The following PER1 variants were observed in gnomAD, a reference collection of about 807,000 sequenced individuals.
The protein encoded by PER1 is period circadian protein homolog 1.
A neutral mutation model predicts 125.9 loss-of-function variants in PER1; 87 were observed. The ratio of observed to expected loss-of-function variants is 0.69; its 90% CI spans 0.58 to 0.83. The LOEUF is 0.83. PER1 is among the 40% of genes least tolerant of loss of function. The probability of loss-of-function intolerance (pLI) is 0.00; values close to 1 mark genes in which losing one functional copy is unlikely to be tolerated. For synonymous variants in PER1, 801 were observed against 714.7 expected (o/e 1.12, Z -1.93); for missense variants, 1,775 against 1,722.8 (o/e 1.03, Z -0.54).
At position 8,150,038 on chromosome 17, in the gene PER1, C is replaced by G. The variant is rs1982738822; in HGVS notation, c.462G>C (p.Arg154=). 1.9e-6 allele frequency: 3 copies of G among 1,614,060 alleles called. No individual in the cohort carries two copies. Among genetic ancestry groups the G allele is most frequent in the South Asian group, 2.2e-5 (2 of 91,092 alleles). ...ELKLRLPPER[R]GKGRSGTLAT... ...CCAGGGTCCCAGAGCGGCCCTTGCC[C>G]CGGCGCTCTGGCGGCAGTCGAAGCT... Residue 154 remains arginine (R), a synonymous_variant, in exon 4 of 23, where the codon CGG becomes CGC. Transcript: ENST00000317276.
chr17:8,140,913 G>A lies in PER1; in HGVS notation c.*155C>T, dbSNP rs572975216. The stretch of plus-strand genomic sequence containing the variant: ...CCCTAAGAGGCCAGAGGCAGCCCCT[G>A]GATCCTAGGCTGGTGATGGGGGTCC... On this transcript the variant is annotated 3_prime_UTR_variant, in exon 23 of 23. Coordinates refer to ENST00000317276, the MANE Select transcript of PER1 (RefSeq NM_002616.3). The A allele has an allele frequency of 8.3e-6, 7 of 839,228 alleles. No homozygotes were observed. The South Asian group carries it at 1.0e-4, about 13-fold the overall frequency. 52.0% of individuals were successfully genotyped at this position (839,228 alleles called of 1,614,324 possible).
In PER1 at chr17:8,147,495, T is replaced by C; in HGVS notation, c.1472A>G (p.Glu491Gly). The C allele has an allele frequency of 6.2e-7, 1 of 1,613,880 alleles. No homozygotes were observed. The highest frequency in any genetic ancestry group is 8.5e-7 in the Non-Finnish European group (1 of 1,179,890). ...SLDTDIQELS[E>G]QIHRLLLQPV... ...CTGCAGCAGCAGCCGGTGGATCTGC[T>C]CTGACAGCTCCTGGATATCAGTGTC... Residue 491 changes from glutamate (E) to glycine (G), a missense_variant, in exon 12 of 23, where the codon GAG becomes GGG. By Grantham distance (98) the Glu-to-Gly change is moderately conservative. Coordinates refer to ENST00000317276, the MANE Select transcript of PER1 (RefSeq NM_002616.3).
At chr17:8,148,320 C>T (rs775440993) in intron 8 of PER1, 61 bp from the exon 9 acceptor site, 10 of 1,406,094 alleles carry the variant, frequency 7.1e-6, no homozygotes, top group South Asian at 2.4e-5. Context: ...CTCAGCCCTC[C>T]ACTCTGCCTG....
chr17:8,149,314 G>T lies in PER1; in HGVS notation c.854-4C>A, dbSNP rs749357434. On this transcript the variant is annotated splice_region_variant and splice_polypyrimidine_tract_variant and intron_variant, in intron 6 of 22. Transcript: ENST00000317276. ...GTAAAGTCCCTGAGGCCTGAACCTG[G>T]GACAGACAGGAGAGGAGTGAGCACA... 6.2e-7 allele frequency: 1 copy of T among 1,613,988 alleles called. No individual in the cohort carries two copies. Among genetic ancestry groups the T allele is most frequent in the East Asian group, 2.2e-5 (1 of 44,886 alleles).
chr17:8,146,601 T>A lies in PER1; in HGVS notation c.1900A>T (p.Ile634Phe). The A allele has an allele frequency of 6.2e-7, 1 of 1,609,810 alleles. No homozygotes were observed. The highest frequency in any genetic ancestry group is 8.5e-7 in the Non-Finnish European group (1 of 1,177,684). ...SYQQINCLDS[I>F]LRYLESCNLP... ...ATGCCTGGCAGGCCTTACCTGAGGA[T>A]GCTGTCCAGGCAGTTGATCTGCTGG... is the stretch of plus-strand genomic sequence containing the variant. Residue 634 changes from isoleucine (I) to phenylalanine (F), a missense_variant, in exon 15 of 23, where the codon ATC (isoleucine) becomes TTC (phenylalanine). Transcript: ENST00000317276.
At chr17:8,147,879 G>A in intron 10 of PER1, 52 bp from the exon 11 acceptor site, 2 of 1,606,500 alleles carry the variant, frequency 1.2e-6, no homozygotes, top group Non-Finnish European at 1.7e-6. Context: ...AGCTGAGTAA[G>A]AGGGAGGCCA....
chr17:8,145,272 T>A, intron 17 of PER1: 1 of 329,766 alleles, frequency 3.0e-6, no homozygotes, highest in Non-Finnish European at 5.5e-6. Flanking sequence ...GTCACAACTC[T>A]CATTGGAAGA....
chr17:8,146,053 A>T lies in PER1; in HGVS notation c.2123T>A (p.Leu708Gln). 1 of 1,614,042 alleles carries T rather than the reference A, an allele frequency of 6.2e-7. No homozygotes were observed. The highest frequency in any genetic ancestry group is 8.5e-7 in the Non-Finnish European group (1 of 1,180,000). The part of the protein sequence containing the change: ...VVGGTLSPLA[L>Q]ANKAESVVSV... ...CACCACACTCTCCGCCTTATTGGCC[A>T]GGGCGAGCGGGCTCAGGGTGCCTCC... Residue 708 changes from leucine to glutamine, a missense_variant, in exon 17 of 23, where the codon CTG becomes CAG. Leu to Gln is a moderately radical substitution (Grantham distance 113). Coordinates refer to ENST00000317276, the MANE Select transcript of PER1 (RefSeq NM_002616.3).
intron 12 of PER1, 25 bp downstream of exon 12, chr17:8,147,445 C>T: frequency 6.2e-7 from 1 of 1,612,962 alleles, no homozygotes; most frequent in South Asian, 1.1e-5. Flanking sequence ...TCTCACCTCC[C>T]AGGCTCCCTC....
rs200285590 is a variant in PER1, at chr17:8,145,978, T to C, written c.2198A>G (p.Asp733Gly). 3.7e-6 allele frequency: 6 copies of C among 1,609,204 alleles called. No homozygotes were observed. The highest frequency in any genetic ancestry group is 5.1e-6 in the Non-Finnish European group (6 of 1,177,444). ...CATACCCGACTCCGGGGGCTTCTTG[T>C]CTCCCACATGGACGATGGTGGAGCT... ...SFSSTIVHVGDKKPPESDIIM... is the reference protein window; with the variant it reads ...SFSSTIVHVGGKKPPESDIIM... The change falls in exon 17 of 23, where the codon GAC becomes GGC. Residue 733 changes from aspartate (D) to glycine (G), a missense_variant. Asp to Gly is a moderately conservative substitution (Grantham distance 94). Transcript: ENST00000317276.
Position 8,143,310 on chromosome 17 carries a change from GC to G in PER1, c.3027del (p.Pro1011HisfsTer111). On this transcript the variant is annotated frameshift_variant, in exon 19 of 23. Transcript: ENST00000317276. LOFTEE classifies it high-confidence loss of function. Reference protein sequence around the residue: ...AVAGGPGSSAGPPPPSAEAAE... With the variant: ...AVAGGPGSSAXPPPPSAEAAE... ...GCAGCCTCCGCACTGGGAGGTGGGG[GC>G]CCGGCACTGCTCCCAGGGCCTCCTG... is the stretch of plus-strand genomic sequence containing the variant. The G allele has an allele frequency of 6.3e-7, 1 of 1,591,376 alleles. No individual in the cohort carries two copies. The highest frequency in any genetic ancestry group is 1.1e-5 in the South Asian group (1 of 87,502).
rs767314742 is a variant in PER1 at position 8,144,753 on chromosome 17, C to T, written c.2459G>A (p.Arg820Gln). Residue 820 changes from arginine (R) to glutamine (Q), a missense_variant and splice_region_variant, in exon 18 of 23, where the codon CGA (arginine) becomes CAA (glutamine). Physicochemically the swap from Arg to Gln is conservative, Grantham distance 43 (BLOSUM62 1). Coordinates refer to ENST00000317276, the MANE Select transcript of PER1 (RefSeq NM_002616.3). ...TCCAGGAGGCCCCAGGTGGCTACCT[C>T]GCTCGCCAAGGGCTGAGGGAGCTGT... ...SSTAPSALGE[R>Q]GCHHGPAPPS... 1.4e-5 allele frequency: 22 copies of T among 1,565,700 alleles called. No homozygotes were observed. In the East Asian group the frequency reaches 1.4e-4, roughly 10 times the overall value.
chr17:8,147,076 CAAG>C (rs1982499246), intron 13 of PER1, 74 bp from the exon 14 acceptor site: 10 of 1,441,802 alleles, frequency 6.9e-6, no homozygotes, highest in Non-Finnish European at 9.7e-6. Flanking sequence ...CACAATAAAA[CAAG>C]AAGGTACCAG....
In PER1 at chr17:8,150,666, G is replaced by T; in HGVS notation, c.41C>A (p.Pro14His). 6.3e-7 allele frequency: 1 copy of T among 1,595,980 alleles called. No homozygotes were observed. Residue 14 changes from proline to histidine, a missense_variant, in exon 2 of 23, where the codon CCC (proline) becomes CAC (histidine). Physicochemically the swap from Pro to His is moderately conservative, Grantham distance 77. Coordinates refer to ENST00000317276, the MANE Select transcript of PER1 (RefSeq NM_002616.3). ...AGGACAAAATGATTCCCCAGGCCTG[G>T]GGTCCCCTCCCCCATCAGCCCCTTC... The part of the protein sequence containing the change: ...PLEGADGGGD[P>H]RPGESFCPGG...
At position 8,145,000 on chromosome 17, in the gene PER1, A is replaced by G. The variant is rs113376788; in HGVS notation, c.2219-7T>C. 3,451 of 1,461,254 alleles carry G rather than the reference A, an allele frequency of 2.4e-3. 81 individuals are homozygous for G. In the African/African-American group the frequency reaches 0.043, roughly 18 times the overall value. 90.5% of individuals were successfully genotyped at this position (1,461,254 alleles called of 1,614,324 possible). On this transcript the variant is annotated splice_region_variant and splice_polypyrimidine_tract_variant and intron_variant, in intron 17 of 22. Transcript: ENST00000317276. ...TCCTCCATCATGATGATGTCTGAGGAGAGTGAGATAGGGAAAGGTCATCAG... is the reference window on the plus strand; with the variant it reads ...TCCTCCATCATGATGATGTCTGAGGGGAGTGAGATAGGGAAAGGTCATCAG...
intron 7 of PER1, 155 bp downstream of exon 7, chr17:8,149,104 G>A (rs1293448903): frequency 2.0e-5 from 14 of 712,926 alleles, no homozygotes; most frequent in Admixed American, 1.8e-4. Context: ...CAGGAGAATC[G>A]CTTGAACCTG....
In PER1 at chr17:8,142,700, C is replaced by T. The variant is rs1484148487; in HGVS notation, c.3208G>A (p.Gly1070Arg). 1 of 1,613,906 alleles carries T rather than the reference C, an allele frequency of 6.2e-7. No individual in the cohort carries two copies. Among genetic ancestry groups the T allele is most frequent in the African/African-American group, 1.3e-5 (1 of 74,920 alleles). The change falls in exon 20 of 23, where the codon GGG becomes AGG. Residue 1070 changes from glycine (G) to arginine (R), a missense_variant. By Grantham distance (125) the Gly-to-Arg change is moderately radical (BLOSUM62 -2). Coordinates refer to ENST00000317276, the MANE Select transcript of PER1 (RefSeq NM_002616.3). Reference sequence around the variant, plus strand: ...CCTTCATGGGAGCCTGAACCAGACCCAGAGCCCAAGCCAGAGCCCAAGGAG... The same window carrying T: ...CCTTCATGGGAGCCTGAACCAGACCTAGAGCCCAAGCCAGAGCCCAAGGAG... ...SGSLGSGLGS[G>R]SGSGSHEGGS...
At chr17:8,142,504 C>T in intron 20 of PER1, 46 bp from the exon 21 acceptor site, 2 of 1,548,772 alleles carry the variant, frequency 1.3e-6, no homozygotes, top group Non-Finnish European at 8.7e-7. Context: ...CGGCTGCATG[C>T]CCACTCCTGG....
rs1282176271 is a variant in PER1, at chr17:8,149,508, G to A, written c.807C>T (p.Ser269=). 2 of 1,613,868 alleles carry A rather than the reference G, an allele frequency of 1.2e-6. No individual in the cohort carries two copies. The change falls in exon 6 of 23, where the codon TCC becomes TCT. Residue 269 remains serine (S), a synonymous_variant. Coordinates refer to ENST00000317276, the MANE Select transcript of PER1 (RefSeq NM_002616.3). ...APQDVGVFYG[S]TAPSRLPTWG... ...AGGTGGGCAGGCGAGATGGAGCAGT[G>A]GAACCATAGAAGACTCCCACATCCT...
Sources: gnomAD v4.1 joint callset for allele counts on GRCh38, gnomAD v4.1.1 for gene constraint, MANE v1.5 for transcripts, NCBI Gene and HGNC (gene_info 2026-07-23, HGNC 2026-07-21) for gene names.